The following PRLR variants were observed in gnomAD, a reference collection of about 807,000 sequenced individuals.
The protein encoded by PRLR is prolactin receptor, also known as hPRL receptor.
In PRLR, 13 loss-of-function variants were observed where a neutral mutation model predicts 40.2. That is an observed-to-expected ratio of 0.32 (90% CI 0.21 to 0.51). The LOEUF is 0.51. PRLR is among the 20% of genes least tolerant of loss of function. The probability of loss-of-function intolerance (pLI) is 0.97; values close to 1 mark genes in which losing one functional copy is unlikely to be tolerated. For synonymous variants in PRLR, 269 were observed against 278.7 expected (o/e 0.97, Z 0.35); for missense variants, 656 against 747.3 (o/e 0.88, Z 1.42).
intron 1 of PRLR, among the ~76,000 whole-genome samples, chr5:35,156,245 G>A (rs552251009): frequency 6.6e-6 from 1 of 150,750 alleles, no homozygotes; most frequent in Admixed American, 6.6e-5. Flanking sequence ...ATCTTTAAAT[G>A]AGATTTTTAT....
intron 1 of PRLR, among the ~76,000 whole-genome samples, chr5:35,140,239 T>C (rs1171435905): frequency 6.6e-6 from 1 of 152,242 alleles, no homozygotes; most frequent in Non-Finnish European, 1.5e-5. Flanking sequence ...TTATTAGTTT[T>C]ATTCAATGTA....
chr5:35,105,454 C>T (rs1772174803), intron 2 of PRLR, among the ~76,000 whole-genome samples: 1 of 152,144 alleles, frequency 6.6e-6, no homozygotes, highest in African/African-American at 2.4e-5. Context: ...TGTTCAAACC[C>T]ATCGCAAAGA....
At chr5:35,137,666 T>G (rs1301176652) in intron 1 of PRLR, among the ~76,000 whole-genome samples, 1 of 152,228 alleles carries the variant, frequency 6.6e-6, no homozygotes, top group East Asian at 1.9e-4. Flanking sequence ...ATTCAGTCAT[T>G]AAATAACAAG....
At chr5:35,141,105 C>T in intron 1 of PRLR, among the ~76,000 whole-genome samples, 1 of 152,028 alleles carries the variant, frequency 6.6e-6, no homozygotes, top group East Asian at 1.9e-4. Context: ...AGACTTGAAG[C>T]TGGAGATGGG....
At chr5:35,053,220 T>C (rs1768565381), downstream of PRLR, among the ~76,000 whole-genome samples, 1 of 152,070 alleles carries the variant, frequency 6.6e-6, no homozygotes, top group African/African-American at 2.4e-5. Flanking sequence ...ACATAAGAGG[T>C]ATAAAGACTG....
At chr5:35,191,627 T>C (rs780766146) in intron 1 of PRLR, among the ~76,000 whole-genome samples, 1 of 152,236 alleles carries the variant, frequency 6.6e-6, no homozygotes, top group Non-Finnish European at 1.5e-5. Context: ...AGACCTTCCA[T>C]AGTTCTTCTT....
intron 1 of PRLR, among the ~76,000 whole-genome samples, chr5:35,190,040 C>T (rs1255596076): frequency 6.6e-6 from 1 of 152,060 alleles, no homozygotes; most frequent in African/African-American, 2.4e-5. Flanking sequence ...GGAGAGAGCC[C>T]CATTGCCTTG....
intron 1 of PRLR, among the ~76,000 whole-genome samples, chr5:35,128,921 C>T (rs1318368636): frequency 6.6e-6 from 1 of 152,186 alleles, no homozygotes; most frequent in Non-Finnish European, 1.5e-5. Flanking sequence ...GTCTCCATCT[C>T]TGCCTCCTTC....
At chr5:35,050,354 T>C (rs1768453688) in intron 8 of PRLR, among the ~76,000 whole-genome samples, 1 of 152,224 alleles carries the variant, frequency 6.6e-6, no homozygotes. Context: ...TCCAAGATCC[T>C]ACCCTACCTT....
chr5:35,107,568 C>G (rs1046274552), intron 2 of PRLR, among the ~76,000 whole-genome samples: 7 of 152,082 alleles, frequency 4.6e-5, no homozygotes, highest in Non-Finnish European at 8.8e-5. Context: ...CACAGAAATA[C>G]AAACTACCAT....
intron 9 of PRLR, 80 bp downstream of exon 9, chr5:35,068,136 C>A: frequency 7.7e-7 from 1 of 1,306,944 alleles, no homozygotes; most frequent in Non-Finnish European, 1.1e-6. Context: ...GCTGAACTGA[C>A]GGGGACTGTG....
exon 9 of PRLR, chr5:35,049,288 T>C: frequency 2.8e-6 from 2 of 703,448 alleles, no homozygotes; most frequent in South Asian, 1.5e-5. Flanking sequence ...TCTTCAGCTC[T>C]ACTGGACTGT....
At chr5:35,126,288 A>G (rs1313032718) in intron 1 of PRLR, among the ~76,000 whole-genome samples, 5 of 152,174 alleles carry the variant, frequency 3.3e-5, no homozygotes, top group Non-Finnish European at 5.9e-5. Context: ...TTTGGTCTCC[A>G]TAAGCCAGGG....
intron 1 of PRLR, among the ~76,000 whole-genome samples, chr5:35,189,751 C>T (rs1775549761): frequency 6.6e-6 from 1 of 152,090 alleles, no homozygotes; most frequent in Non-Finnish European, 1.5e-5. Flanking sequence ...AAGCCCCTGA[C>T]CTCTTCAGCC....
At chr5:35,124,203 G>A (rs1283875745) in intron 1 of PRLR, among the ~76,000 whole-genome samples, 1 of 152,190 alleles carries the variant, frequency 6.6e-6, no homozygotes, top group African/African-American at 2.4e-5. Context: ...AAATGGTAGA[G>A]GAGTTCTTTA....
rs1422165897 is a variant in PRLR at position 35,066,086 on chromosome 5, T to TCTTCAGA, written c.865_871dup (p.Glu291ValfsTer2). On this transcript the variant is annotated stop_gained and frameshift_variant, in exon 10 of 10. Coordinates refer to ENST00000618457, the MANE Select transcript of PRLR (RefSeq NM_000949.7). LOFTEE classifies it low-confidence loss of function (END_TRUNC). The stretch of plus-strand genomic sequence containing the variant: ...TTGGCATCCCAAGGCACTCAGTAGT[T>TCTTCAGA]CTTCAGACTTGCCCTTCTATTAAAA... The TCTTCAGA allele has an allele frequency of 2.5e-6, 4 of 1,613,484 alleles. No individual in the cohort carries two copies. The highest frequency in any genetic ancestry group is 3.4e-6 in the Non-Finnish European group (4 of 1,179,658).
intron 8 of PRLR, among the ~76,000 whole-genome samples, chr5:35,050,428 C>T (rs150393263): frequency 6.6e-6 from 1 of 152,324 alleles, no homozygotes; most frequent in African/African-American, 2.4e-5. Context: ...TGCTGAGTCT[C>T]TCTTCTCTCT....
At chr5:35,167,138 CATCTATCTATCTATCT>C (rs10524859) in intron 1 of PRLR, among the ~76,000 whole-genome samples, 75 of 147,384 alleles carry the variant, frequency 5.1e-4, no homozygotes, top group East Asian at 1.8e-3. Flanking sequence ...GTTTGTCTAT[CATCTATCTATCTATCT>C]ATCTATCTAT....
chr5:35,096,627 T>A (rs1228035762), intron 2 of PRLR, among the ~76,000 whole-genome samples: 1 of 148,278 alleles, frequency 6.7e-6, no homozygotes, highest in Non-Finnish European at 1.5e-5. Flanking sequence ...TTTACTTTCT[T>A]TTTTTTTTTT....
Sources: allele counts gnomAD v4.1 joint callset (sites outside exome capture counted in the v4.1 genomes callset), GRCh38; gene constraint gnomAD v4.1.1; transcripts MANE v1.5; gene names NCBI Gene and HGNC (gene_info 2026-07-23, HGNC 2026-07-21).